Variants in TEC observed in about 807,000 individuals in gnomAD.
TEC encodes tyrosine-protein kinase Tec.
A neutral mutation model predicts 93.0 loss-of-function variants in TEC; 72 were observed. The observed-to-expected ratio is 0.77, with a 90% CI of 0.64 to 0.94. TEC has a LOEUF of 0.94. Ranked by LOEUF, TEC falls within the 40% of genes least tolerant of loss-of-function variation. The pLI is 0.00. For missense variants in TEC, 630 were observed against 757.9 expected (o/e 0.83, Z 1.98); for synonymous variants, 249 against 247.7 (o/e 1.01, Z -0.05).
intron 1 of TEC, among the ~76,000 whole-genome samples, chr4:48,265,511 ATATATT>A (rs1724617646): frequency 1.0e-5 from 1 of 96,056 alleles, no homozygotes; most frequent in African/African-American, 3.1e-5. Context: ...ATATATATAT[ATATATT>A]TTTTTTTTTT....
chr4:48,172,660 C>T (rs201070160), intron 3 of TEC, among the ~76,000 whole-genome samples: 1 of 151,880 alleles, frequency 6.6e-6, no homozygotes, highest in African/African-American at 2.4e-5. Context: ...ATATACCATT[C>T]GCACCTTGCT....
At chr4:48,147,786 T>G (rs1314160695) in intron 11 of TEC, among the ~76,000 whole-genome samples, 4 of 152,208 alleles carry the variant, frequency 2.6e-5, no homozygotes, top group Admixed American at 2.6e-4. Context: ...AATATTGTGT[T>G]AGGCTCTGGG....
intron 2 of TEC, among the ~76,000 whole-genome samples, chr4:48,187,140 G>C (rs1053214208): frequency 1.3e-5 from 2 of 151,584 alleles, no homozygotes; most frequent in African/African-American, 4.8e-5. Flanking sequence ...CCCCCAACCC[G>C]GTGCTCTCTG....
At chr4:48,173,531 T>TCCAGGGAG (rs2109551786) in intron 3 of TEC, among the ~76,000 whole-genome samples, 1 of 152,324 alleles carries the variant, frequency 6.6e-6, no homozygotes, top group African/African-American at 2.4e-5. Context: ...GCTGTGTTTC[T>TCCAGGGAG]CTCTGCCTTA....
At chr4:48,226,759 T>G (rs1723480070) in intron 2 of TEC, among the ~76,000 whole-genome samples, 1 of 152,140 alleles carries the variant, frequency 6.6e-6, no homozygotes, top group African/African-American at 2.4e-5. Flanking sequence ...CAAGGGTTGG[T>G]GTCCCTAACC....
chr4:48,139,184 TTTCCAAC>T (rs1478979397), intron 15 of TEC, among the ~76,000 whole-genome samples, 162 bp from the exon 16 acceptor site: 1 of 152,248 alleles, frequency 6.6e-6, no homozygotes, highest in Non-Finnish European at 1.5e-5. Context: ...CACCTGGTGA[TTTCCAAC>T]TTCCTCTCAG....
At chr4:48,232,814 C>T (rs964263292) in intron 1 of TEC, among the ~76,000 whole-genome samples, 1 of 152,230 alleles carries the variant, frequency 6.6e-6, no homozygotes, top group African/African-American at 2.4e-5. Context: ...TGCCAGGTCC[C>T]ACCAAGGGGA....
At chr4:48,243,431 GAAGT>G (rs1723971999) in intron 1 of TEC, among the ~76,000 whole-genome samples, 1 of 152,202 alleles carries the variant, frequency 6.6e-6, no homozygotes. Context: ...ATTGTCCTGA[GAAGT>G]AAGAGAAATG....
intron 1 of TEC, among the ~76,000 whole-genome samples, chr4:48,236,847 C>G (rs1577663503): frequency 6.6e-6 from 1 of 152,300 alleles, no homozygotes; most frequent in East Asian, 1.9e-4. Context: ...CTCAGTTTCA[C>G]AGTCCAGCAA....
chr4:48,234,793 T>C (rs1032101177), intron 1 of TEC, among the ~76,000 whole-genome samples: 17 of 151,966 alleles, frequency 1.1e-4, no homozygotes, highest in Non-Finnish European at 4.4e-5. Flanking sequence ...GAGAGCTATT[T>C]CCTCCATGGT....
At chr4:48,243,511 T>A (rs1426550257) in intron 1 of TEC, among the ~76,000 whole-genome samples, 2 of 152,210 alleles carry the variant, frequency 1.3e-5, no homozygotes, top group Non-Finnish European at 2.9e-5. Flanking sequence ...CATTGCCTCA[T>A]CTTTATTCTG....
chr4:48,199,458 T>C (rs1722417814), intron 2 of TEC, among the ~76,000 whole-genome samples: 1 of 48,800 alleles, frequency 2.0e-5, no homozygotes. Context: ...TTTCTTTCTT[T>C]TTTTTTTTTT....
At chr4:48,199,913 C>T (rs1722443531) in intron 2 of TEC, among the ~76,000 whole-genome samples, 1 of 152,094 alleles carries the variant, frequency 6.6e-6, no homozygotes, top group Non-Finnish European at 1.5e-5. Flanking sequence ...CCATAACAAC[C>T]CTCTGAAGGA....
chr4:48,244,586 A>G (rs1560423484), intron 1 of TEC, among the ~76,000 whole-genome samples: 1 of 152,252 alleles, frequency 6.6e-6, no homozygotes, highest in Non-Finnish European at 1.5e-5. Context: ...GCCAAATCAT[A>G]TCAAACCCAA....
chr4:48,203,259 G>A (rs559506941), intron 2 of TEC, among the ~76,000 whole-genome samples: 3 of 152,280 alleles, frequency 2.0e-5, no homozygotes, highest in African/African-American at 7.2e-5. Flanking sequence ...CAGCTACTGG[G>A]GAGGCTGAGG....
chr4:48,243,637 A>C (rs949704344), intron 1 of TEC, among the ~76,000 whole-genome samples: 3 of 152,238 alleles, frequency 2.0e-5, no homozygotes, highest in African/African-American at 7.2e-5. Context: ...CCCTAGTAAA[A>C]GGGACAGACA....
intron 1 of TEC, among the ~76,000 whole-genome samples, chr4:48,252,447 G>A (rs1410770533): frequency 1.3e-5 from 2 of 152,086 alleles, no homozygotes; most frequent in Admixed American, 1.3e-4. Flanking sequence ...AAAGAAATGA[G>A]CACAGAACCA....
chr4:48,140,438 A>T (rs527612932), intron 15 of TEC, among the ~76,000 whole-genome samples: 3 of 152,320 alleles, frequency 2.0e-5, no homozygotes, highest in Admixed American at 1.3e-4. Context: ...TGAACATCAG[A>T]TCAAGTAGCC....
At chr4:48,169,085 A>C (rs1720995858) in intron 5 of TEC, among the ~76,000 whole-genome samples, 1 of 152,154 alleles carries the variant, frequency 6.6e-6, no homozygotes, top group Non-Finnish European at 1.5e-5. Context: ...TAATCAAAGG[A>C]TTCTGTGTAC....
Sources: gnomAD v4.1 joint callset for allele counts (sites outside exome capture counted in the v4.1 genomes callset) on GRCh38, gnomAD v4.1.1 for gene constraint, MANE v1.5 for transcripts, NCBI Gene and HGNC (gene_info 2026-07-23, HGNC 2026-07-21) for gene names.